Variants in FLT3 observed in about 807,000 individuals in gnomAD.
FLT3 encodes fms related receptor tyrosine kinase 3.
A neutral mutation model predicts 126.6 loss-of-function variants in FLT3; 46 were observed. The observed-to-expected ratio is 0.36, with a 90% CI of 0.29 to 0.46. The LOEUF (loss-of-function observed/expected upper bound fraction) is 0.46. Ranked by LOEUF, FLT3 falls within the 20% of genes least tolerant of loss-of-function variation. The probability of loss-of-function intolerance (pLI) is 1.00; values close to 1 mark genes in which losing one functional copy is unlikely to be tolerated. For synonymous variants in FLT3, 404 were observed against 434.4 expected, an observed-to-expected ratio of 0.93 and a Z score of 0.87; for missense variants, 1,069 against 1,190.3, an observed-to-expected ratio of 0.90 and a Z score of 1.50.
chr13:28,010,963 A>G (rs1474224537), intron 23 of FLT3, among the ~76,000 whole-genome samples: 1 of 151,812 alleles, frequency 6.6e-6, no homozygotes, highest in Non-Finnish European at 1.5e-5. Flanking sequence ...AGATCACGCC[A>G]CTGCACTCCA....
chr13:28,063,698 A>AAGTATT (rs1255769122), intron 2 of FLT3, among the ~76,000 whole-genome samples: 1 of 149,974 alleles, frequency 6.7e-6, no homozygotes, highest in Non-Finnish European at 1.5e-5. Flanking sequence ...TTCACTTACT[A>AAGTATT]TGATAAGTGC....
At chr13:28,056,937 C>T (rs1161852827) in intron 4 of FLT3, among the ~76,000 whole-genome samples, 27 of 152,116 alleles carry the variant, frequency 1.8e-4, no homozygotes, top group Admixed American at 1.2e-3. Flanking sequence ...CTGTGAGGTA[C>T]GTATTTTTAT....
chr13:28,047,711 C>CAAAAAA (rs56745762), intron 9 of FLT3, among the ~76,000 whole-genome samples: 1 of 108,586 alleles, frequency 9.2e-6, no homozygotes, highest in African/African-American at 3.5e-5. Context: ...GACCTCATCT[C>CAAAAAA]AAAAAAAAAA....
chr13:28,046,034 C>T lies in FLT3; in HGVS notation c.1205+2241G>A, dbSNP rs182390115. ...CTGGGAAAAGGGAATGTGCTCCTGG[C>T]ATCCAGTGGGAGGAGACCCGGGATG... is the stretch of plus-strand genomic sequence containing the variant. On this transcript the variant is annotated intron_variant, in intron 9 of 23. Coordinates refer to ENST00000241453, the MANE Select transcript of FLT3 (RefSeq NM_004119.3). Among the ~76,000 whole-genome samples, 7 of 151,848 alleles carry T rather than the reference C, an allele frequency of 4.6e-5. No homozygotes were observed. In the East Asian group the frequency reaches 9.7e-4, roughly 21 times the overall value.
chr13:28,025,541 C>A (rs1872723269), intron 17 of FLT3: 1 of 309,840 alleles, frequency 3.2e-6, no homozygotes, highest in Non-Finnish European at 6.3e-6. Context: ...CGAGTTTAAC[C>A]CAATTTACAA....
intron 3 of FLT3, among the ~76,000 whole-genome samples, chr13:28,058,726 G>C (rs1876261465): frequency 6.6e-6 from 1 of 152,172 alleles, no homozygotes; most frequent in African/African-American, 2.4e-5. Context: ...TATTCGAGAA[G>C]CCCTGCTTTA....
intron 15 of FLT3, among the ~76,000 whole-genome samples, chr13:28,030,241 G>A (rs570049530): frequency 2.0e-4 from 30 of 152,260 alleles, no homozygotes; most frequent in African/African-American, 6.3e-4. Flanking sequence ...TTTCCTGTGG[G>A]CACTGGGACC....
Position 28,015,590 on chromosome 13 carries a change from C to G in FLT3, c.2653G>C (p.Gly885Arg). 6.3e-7 allele frequency: 1 copy of G among 1,592,304 alleles called. No homozygotes were observed. Reference protein sequence around the residue: ...GILLWEIFSLGVNPYPGIPVD... With the variant: ...GILLWEIFSLRVNPYPGIPVD... ...GGAGGCCAGCAGCTGCCCAACTTAC[C>G]AAGTGAGAAGATTTCCCACAGTAAT... Residue 885 changes from glycine to arginine, a missense_variant and splice_region_variant, in exon 21 of 24, where the codon GGT becomes CGT. Gly to Arg is a moderately radical substitution (Grantham distance 125). Coordinates refer to ENST00000241453, the MANE Select transcript of FLT3 (RefSeq NM_004119.3).
chr13:28,011,656 T>TTTCCTTCCCTCCTTCCTTCCTTCCTTCC (rs1871374700), intron 23 of FLT3, among the ~76,000 whole-genome samples: 1 of 139,368 alleles, frequency 7.2e-6, no homozygotes, highest in Admixed American at 7.2e-5. Context: ...GAGGGGGGCA[T>TTTCCTTCCCTCCTTCCTTCCTTCCTTCC]TTCCTTCCTT....
At chr13:28,028,421 G>T in intron 15 of FLT3, 133 bp from the exon 16 acceptor site, 1 of 612,916 alleles carries the variant, frequency 1.6e-6, no homozygotes, top group East Asian at 2.8e-5. Context: ...GAGAAGCCAG[G>T]CATGGTGGGT....
At chr13:28,076,563 TCCAAGAG>T (rs760459378) in intron 1 of FLT3, among the ~76,000 whole-genome samples, 45 of 151,958 alleles carry the variant, frequency 3.0e-4, no homozygotes, top group Non-Finnish European at 2.2e-4. Context: ...AGTGTCAGAG[TCCAAGAG>T]CCAAAGAACC....
At position 28,034,116 on chromosome 13, in the gene FLT3, G is replaced by A. The variant is rs373985398; in HGVS notation, c.1803C>T (p.Leu601=). 9.9e-6 allele frequency: 16 copies of A among 1,613,930 alleles called. No homozygotes were observed. The African/African-American group carries it at 1.7e-4, about 17-fold the overall frequency. The change falls in exon 14 of 24, where the codon CTC becomes CTT. Residue 601 remains leucine, a synonymous_variant. Coordinates refer to ENST00000241453, the MANE Select transcript of FLT3 (RefSeq NM_004119.3). ...AATTTTCTCTTGGAAACTCCCATTT[G>A]AGATCATATTCATATTCTCTGAAAT... The part of the protein sequence containing the change: ...YVDFREYEYD[L]KWEFPRENLE...
At chr13:28,042,937 T>C (rs1874518658) in intron 9 of FLT3, among the ~76,000 whole-genome samples, 1 of 150,806 alleles carries the variant, frequency 6.6e-6, no homozygotes, top group African/African-American at 2.4e-5. Flanking sequence ...TGTGTGTCAC[T>C]CATTGTATGT....
At chr13:28,098,115 G>C (rs1375225455) in intron 1 of FLT3, among the ~76,000 whole-genome samples, 1 of 151,950 alleles carries the variant, frequency 6.6e-6, no homozygotes, top group Non-Finnish European at 1.5e-5. Flanking sequence ...AGGAGTTCGA[G>C]ACCAGCCTGG....
intron 20 of FLT3, among the ~76,000 whole-genome samples, chr13:28,017,665 GTT>G (rs113187201): frequency 3.7e-5 from 5 of 135,820 alleles, no homozygotes; most frequent in Non-Finnish European, 3.2e-5. Context: ...TTTTGTTGTT[GTT>G]TTTTTTTTTT....
At chr13:28,022,132 G>T (rs2137636032) in intron 19 of FLT3, among the ~76,000 whole-genome samples, 1 of 152,108 alleles carries the variant, frequency 6.6e-6, no homozygotes, top group East Asian at 1.9e-4. Context: ...CCAACTCCTG[G>T]GCTCAAGCAA....
At chr13:28,054,037 T>C (rs967186824) in intron 4 of FLT3, among the ~76,000 whole-genome samples, 4 of 152,130 alleles carry the variant, frequency 2.6e-5, no homozygotes, top group African/African-American at 9.7e-5. Context: ...TGATCAACCA[T>C]GTGCTCTGAA....
intron 1 of FLT3, among the ~76,000 whole-genome samples, chr13:28,091,207 CTTTTTTTTTTTTTTTTTT>C (rs572410744): frequency 5.5e-5 from 2 of 36,580 alleles, no homozygotes; most frequent in East Asian, 9.1e-4. Context: ...GCCCCATTTT[CTTTTTTTTTTTTTTTTTT>C]TTTTTTTTTT....
chr13:28,040,224 G>A (rs9512995), intron 9 of FLT3, among the ~76,000 whole-genome samples: 122,635 of 152,088 alleles, frequency 0.81, 52,143 homozygotes, highest in South Asian at 0.96. Flanking sequence ...ATAAGCAGTT[G>A]GAGTGTGGGA....
Sources: gnomAD v4.1 joint callset for allele counts (sites outside exome capture counted in the v4.1 genomes callset) on GRCh38, gnomAD v4.1.1 for gene constraint, MANE v1.5 for transcripts, NCBI Gene and HGNC (gene_info 2026-07-23, HGNC 2026-07-21) for gene names.